The following ARHGAP26 variants were observed in gnomAD, a reference collection of about 807,000 sequenced individuals.
The protein encoded by ARHGAP26 is Rho GTPase activating protein 26, also known as rho GTPase-activating protein 26.
Under a neutral mutation model 104.8 loss-of-function variants are expected in ARHGAP26, and 38 were observed. That is an observed-to-expected ratio of 0.36 (90% confidence interval 0.28 to 0.48). The LOEUF is 0.48. Ranked by LOEUF, ARHGAP26 falls within the 20% of genes least tolerant of loss-of-function variation. The pLI is 0.99. For synonymous variants in ARHGAP26, 341 were observed against 340.0 expected, an observed-to-expected ratio of 1.00 and a Z score of -0.03; for missense variants, 704 against 947.9, an observed-to-expected ratio of 0.74 and a Z score of 3.38.
At chr5:143,070,107 G>A (rs1360184427) in intron 17 of ARHGAP26, among the ~76,000 whole-genome samples, 1 of 152,180 alleles carries the variant, frequency 6.6e-6, no homozygotes, top group East Asian at 1.9e-4. Context: ...CCAGGCAAAT[G>A]TGGGGGGGTT....
At chr5:143,205,433 A>G (rs1599507259) in intron 20 of ARHGAP26, among the ~76,000 whole-genome samples, 1 of 152,026 alleles carries the variant, frequency 6.6e-6, no homozygotes, top group African/African-American at 2.4e-5. Context: ...AGGATTGGGG[A>G]TTTTGTTGGA....
intron 1 of ARHGAP26, among the ~76,000 whole-genome samples, chr5:142,799,493 C>T (rs1162757823): frequency 2.0e-5 from 3 of 152,316 alleles, no homozygotes; most frequent in East Asian, 3.9e-4. Context: ...GTATTTGTAC[C>T]TGTGAATTCC....
chr5:142,996,683 T>C (rs1031310616), intron 11 of ARHGAP26, among the ~76,000 whole-genome samples: 2 of 151,970 alleles, frequency 1.3e-5, no homozygotes, highest in African/African-American at 4.8e-5. Context: ...AGGTGCTAGA[T>C]TTGAGGTTAG....
At chr5:143,097,259 C>A (rs772430215) in intron 17 of ARHGAP26, among the ~76,000 whole-genome samples, 1 of 150,030 alleles carries the variant, frequency 6.7e-6, no homozygotes, top group African/African-American at 2.5e-5. Flanking sequence ...GCAGGAGGAC[C>A]GCTTGAACCT....
intron 12 of ARHGAP26, among the ~76,000 whole-genome samples, chr5:143,028,102 A>T (rs1278196184): frequency 6.6e-6 from 1 of 152,202 alleles, no homozygotes; most frequent in Non-Finnish European, 1.5e-5. Context: ...CTACTCACTG[A>T]TGCTATAATC....
chr5:142,772,083 C>T (rs1159506322), intron 1 of ARHGAP26, among the ~76,000 whole-genome samples: 1 of 152,192 alleles, frequency 6.6e-6, no homozygotes, highest in Non-Finnish European at 1.5e-5. Context: ...CTTGCCTTAG[C>T]AGAGTAGAGT....
chr5:142,839,725 A>G (rs1347973451), intron 1 of ARHGAP26, among the ~76,000 whole-genome samples: 3 of 152,140 alleles, frequency 2.0e-5, no homozygotes, highest in African/African-American at 4.8e-5. Context: ...CGAAAGGGAA[A>G]GTTTTTATTT....
intron 1 of ARHGAP26, among the ~76,000 whole-genome samples, chr5:142,809,570 C>G (rs1331411503): frequency 1.3e-5 from 2 of 152,228 alleles, no homozygotes; most frequent in Non-Finnish European, 2.9e-5. Flanking sequence ...GCAGTTAATC[C>G]ACCACCTGCA....
intron 20 of ARHGAP26, among the ~76,000 whole-genome samples, chr5:143,164,123 A>G (rs1801627308): frequency 6.6e-6 from 1 of 151,418 alleles, no homozygotes. Context: ...AATTTCTTAT[A>G]TAATGCAGTA....
At chr5:143,035,208 T>G (rs1436994764) in intron 12 of ARHGAP26, among the ~76,000 whole-genome samples, 1 of 152,222 alleles carries the variant, frequency 6.6e-6, no homozygotes, top group Non-Finnish European at 1.5e-5. Flanking sequence ...CTTTTTAGTT[T>G]GATTTTGGGA....
chr5:142,972,273 T>C (rs1772408041), intron 11 of ARHGAP26, among the ~76,000 whole-genome samples: 1 of 151,990 alleles, frequency 6.6e-6, no homozygotes, highest in Admixed American at 6.6e-5. Context: ...GCTTTCATCA[T>C]GGGAAGGCCT....
chr5:142,969,749 G>C (rs756138522), intron 11 of ARHGAP26, among the ~76,000 whole-genome samples: 1 of 152,146 alleles, frequency 6.6e-6, no homozygotes, highest in Non-Finnish European at 1.5e-5. Flanking sequence ...TTAGAGAAGT[G>C]CACATGGGTG....
chr5:142,963,682 CTCT>C (rs1770789068), intron 11 of ARHGAP26, among the ~76,000 whole-genome samples: 1 of 152,168 alleles, frequency 6.6e-6, no homozygotes, highest in Non-Finnish European at 1.5e-5. Context: ...CTCCTGATTA[CTCT>C]TCTTTATAAA....
chr5:143,071,427 CAGA>C (rs1233065950), intron 17 of ARHGAP26, among the ~76,000 whole-genome samples: 1 of 152,176 alleles, frequency 6.6e-6, no homozygotes, highest in African/African-American at 2.4e-5. Flanking sequence ...AATCCACATG[CAGA>C]AGAATGAAGG....
Position 142,995,216 on chromosome 5 carries a change from G to T in ARHGAP26, c.1108-18864G>T, listed in dbSNP as rs1437481307. 2.0e-5 allele frequency among the ~76,000 whole-genome samples: 3 copies of T among 152,162 alleles called. No homozygotes were observed. The East Asian group carries it at 5.8e-4, about 29-fold the overall frequency. On this transcript the variant is annotated intron_variant, in intron 11 of 22. Transcript: ENST00000645722. ...TGCACAGCAAAAGAAACTATCACTA[G>T]CGTGAACAGGCAACCTACAGAAAGG... is the stretch of plus-strand genomic sequence containing the variant.
At chr5:143,208,453 C>T (rs1808945066) in intron 21 of ARHGAP26, among the ~76,000 whole-genome samples, 1 of 152,108 alleles carries the variant, frequency 6.6e-6, no homozygotes, top group Non-Finnish European at 1.5e-5. Flanking sequence ...AAAGAAAACC[C>T]CATGCTATTT....
intron 20 of ARHGAP26, among the ~76,000 whole-genome samples, chr5:143,190,231 T>C (rs1805749857): frequency 6.6e-6 from 1 of 152,228 alleles, no homozygotes. Context: ...ATGGACCAGC[T>C]TCTGAAGCTT....
chr5:143,109,541 A>G (rs918166723), intron 17 of ARHGAP26, among the ~76,000 whole-genome samples: 2 of 151,758 alleles, frequency 1.3e-5, no homozygotes, highest in Non-Finnish European at 2.9e-5. Context: ...TGCAACCTCC[A>G]TCTCCTGGGT....
At chr5:142,870,717 C>G (rs1382030834) in intron 1 of ARHGAP26, among the ~76,000 whole-genome samples, 1 of 152,184 alleles carries the variant, frequency 6.6e-6, no homozygotes, top group East Asian at 1.9e-4. Flanking sequence ...GGCTGACAGC[C>G]TCCGTCAGAT....
Sources: allele counts gnomAD v4.1 joint callset (sites outside exome capture counted in the v4.1 genomes callset), GRCh38; gene constraint gnomAD v4.1.1; transcripts MANE v1.5; gene names NCBI Gene and HGNC (gene_info 2026-07-23, HGNC 2026-07-21).